The following TMEM117 variants were observed in gnomAD, a reference collection of about 807,000 sequenced individuals.
TMEM117 encodes transmembrane protein 117.
A neutral mutation model predicts 52.4 loss-of-function variants in TMEM117; 27 were observed. The ratio of observed to expected loss-of-function variants is 0.51; its 90% CI spans 0.38 to 0.71. The LOEUF (loss-of-function observed/expected upper bound fraction) is 0.71. TMEM117 is among the 30% of genes least tolerant of loss of function. The pLI is 0.00. For missense variants in TMEM117, 556 were observed against 630.5 expected, an observed-to-expected ratio of 0.88 and a Z score of 1.26; for synonymous variants, 215 against 206.3, an observed-to-expected ratio of 1.04 and a Z score of -0.36.
At chr12:44,019,525 C>A (rs750160986) in intron 3 of TMEM117, among the ~76,000 whole-genome samples, 2 of 152,082 alleles carry the variant, frequency 1.3e-5, no homozygotes, top group Non-Finnish European at 2.9e-5. Flanking sequence ...ACATTTCTCT[C>A]CTCTTCCTCC....
chr12:43,942,576 G>A (rs539513381), intron 2 of TMEM117, among the ~76,000 whole-genome samples: 1 of 151,558 alleles, frequency 6.6e-6, no homozygotes, highest in South Asian at 2.1e-4. Flanking sequence ...CTCTTGGATA[G>A]GCCAAGAATC....
At chr12:43,888,364 T>C (rs1944036021) in intron 2 of TMEM117, among the ~76,000 whole-genome samples, 1 of 152,294 alleles carries the variant, frequency 6.6e-6, no homozygotes, top group South Asian at 2.1e-4. Context: ...ATGCCATCCA[T>C]TAGCCATACA....
intron 4 of TMEM117, among the ~76,000 whole-genome samples, chr12:44,186,966 A>G (rs1949286115): frequency 6.6e-6 from 1 of 152,118 alleles, no homozygotes; most frequent in Non-Finnish European, 1.5e-5. Context: ...GGCCTACCCT[A>G]TTCCTTGGGA....
At chr12:44,331,184 TAA>T (rs202022939) in intron 6 of TMEM117, among the ~76,000 whole-genome samples, 1 of 145,638 alleles carries the variant, frequency 6.9e-6, no homozygotes. Flanking sequence ...GACCTTTTTT[TAA>T]AAAAAAAAAA....
At chr12:44,012,352 A>G (rs1946306110) in intron 3 of TMEM117, among the ~76,000 whole-genome samples, 1 of 149,888 alleles carries the variant, frequency 6.7e-6, no homozygotes, top group Non-Finnish European at 1.5e-5. Context: ...ATTAATTTGG[A>G]AAAATTCTCA....
intron 6 of TMEM117, among the ~76,000 whole-genome samples, chr12:44,365,908 A>G (rs926954532): frequency 1.3e-5 from 2 of 152,022 alleles, no homozygotes; most frequent in African/African-American, 4.8e-5. Context: ...GGGGCTACTG[A>G]TTGAATTTCA....
intron 6 of TMEM117, chr12:44,376,354 T>TA: frequency 2.1e-5 from 11 of 516,688 alleles, no homozygotes; most frequent in South Asian, 8.5e-5. Flanking sequence ...CTGTATTGGT[T>TA]TCTTATTACC....
intron 6 of TMEM117, among the ~76,000 whole-genome samples, chr12:44,373,164 T>A (rs961801287): frequency 2.0e-5 from 3 of 152,212 alleles, no homozygotes; most frequent in Non-Finnish European, 4.4e-5. Flanking sequence ...TTGCTGACTC[T>A]CCCTCCCACC....
chr12:44,068,019 C>T (rs1247523603), intron 3 of TMEM117, among the ~76,000 whole-genome samples: 1 of 152,188 alleles, frequency 6.6e-6, no homozygotes, highest in Non-Finnish European at 1.5e-5. Context: ...CTTCACCTGG[C>T]ACTTTTATGT....
In TMEM117 at chr12:44,000,014, C is replaced by T. The variant is rs190165561; in HGVS notation, c.410+55672C>T. On this transcript the variant is annotated intron_variant, in intron 3 of 7. Coordinates refer to ENST00000266534, the MANE Select transcript of TMEM117 (RefSeq NM_032256.3). ...AAATCCTGAACTATCATCAATTTTG[C>T]CCAATGATCAGCTGACTAATTGATG... Among the ~76,000 whole-genome samples the T allele has an allele frequency of 3.9e-5, 6 of 152,306 alleles. No individual in the cohort carries two copies. The East Asian group carries it at 1.2e-3, about 29-fold the overall frequency.
At chr12:44,161,227 T>A (rs903450934) in intron 4 of TMEM117, among the ~76,000 whole-genome samples, 1 of 152,170 alleles carries the variant, frequency 6.6e-6, no homozygotes, top group Non-Finnish European at 1.5e-5. Flanking sequence ...TTTCTGAAAA[T>A]TTTTGCGTCT....
chr12:44,145,135 C>T (rs1356157924), intron 4 of TMEM117, among the ~76,000 whole-genome samples: 3 of 151,900 alleles, frequency 2.0e-5, no homozygotes, highest in Admixed American at 6.5e-5. Context: ...CCAGCCTGGG[C>T]GACAGAGCGA....
At chr12:43,918,264 C>A (rs1483859649) in intron 2 of TMEM117, among the ~76,000 whole-genome samples, 2 of 152,170 alleles carry the variant, frequency 1.3e-5, no homozygotes, top group Admixed American at 1.3e-4. Context: ...TTTGTATATG[C>A]AGGCTCCATC....
At chr12:43,915,156 C>T (rs1348131723) in intron 2 of TMEM117, among the ~76,000 whole-genome samples, 3 of 152,180 alleles carry the variant, frequency 2.0e-5, no homozygotes, top group African/African-American at 7.2e-5. Context: ...TCCAGGTTCT[C>T]AAAGTCTAGG....
At chr12:44,021,841 G>T (rs1325838728) in intron 3 of TMEM117, among the ~76,000 whole-genome samples, 18 of 152,182 alleles carry the variant, frequency 1.2e-4, no homozygotes, top group Admixed American at 1.1e-3. Context: ...GTCTCTGGAA[G>T]TACTCTTGCT....
intron 5 of TMEM117, among the ~76,000 whole-genome samples, chr12:44,293,383 C>A (rs1038070931): frequency 2.0e-5 from 3 of 151,986 alleles, no homozygotes; most frequent in African/African-American, 7.2e-5. Flanking sequence ...TCTATTCAGC[C>A]ACTCTGCATT....
At position 44,388,465 on chromosome 12, in the gene TMEM117, G is replaced by T; in HGVS notation, c.1338G>T (p.Met446Ile). The change falls in exon 8 of 8, where the codon ATG (methionine) becomes ATT (isoleucine). Residue 446 changes from methionine to isoleucine, a missense_variant. Met to Ile is a conservative substitution (Grantham distance 10). This residue lies in a region of TMEM117 where 206 missense variants were observed against 211.1 expected (regional missense o/e 0.98). Coordinates refer to ENST00000266534, the MANE Select transcript of TMEM117 (RefSeq NM_032256.3). Reference protein sequence around the residue: ...RKSPSEHSKDMGITRENTQAS... With the variant: ...RKSPSEHSKDIGITRENTQAS... ...CTCCATCAGAACATAGCAAAGACATGGGAATCACTCGAGAAAACACCCAGG... is the reference window on the plus strand; with the variant it reads ...CTCCATCAGAACATAGCAAAGACATTGGAATCACTCGAGAAAACACCCAGG... The T allele has an allele frequency of 6.2e-7, 1 of 1,613,320 alleles. No homozygotes were observed. Among genetic ancestry groups the T allele is most frequent in the Non-Finnish European group, 8.5e-7 (1 of 1,179,648 alleles).
At chr12:44,386,804 A>T (rs1279332267) in intron 7 of TMEM117, among the ~76,000 whole-genome samples, 2 of 152,252 alleles carry the variant, frequency 1.3e-5, no homozygotes, top group East Asian at 1.9e-4. Context: ...TTAGCCTTAC[A>T]TATAATAGGA....
At chr12:44,086,351 C>A (rs1247518827) in intron 3 of TMEM117, among the ~76,000 whole-genome samples, 1 of 151,554 alleles carries the variant, frequency 6.6e-6, no homozygotes, top group Admixed American at 6.6e-5. Flanking sequence ...GTAAGTGTGA[C>A]TACAGGTGCG....
Sources: gnomAD v4.1 joint callset for allele counts (sites outside exome capture counted in the v4.1 genomes callset) on GRCh38, gnomAD v4.1.1 for gene constraint, gnomAD v4.1.1 regional missense constraint, MANE v1.5 for transcripts, NCBI Gene and HGNC (gene_info 2026-07-23, HGNC 2026-07-21) for gene names.